The following FREM3 variants were observed in gnomAD, a reference collection of about 807,000 sequenced individuals.
The protein encoded by FREM3 is FRAS1-related extracellular matrix protein 3.
FREM3 carries 105 observed loss-of-function variants against 129.1 expected under a neutral mutation model. The ratio of observed to expected loss-of-function variants is 0.81; its 90% CI spans 0.69 to 0.96. The LOEUF (loss-of-function observed/expected upper bound fraction) is 0.96. Among genes scored for constraint, FREM3 ranks in the 40% least tolerant of loss-of-function variants. The pLI, the probability that FREM3 is intolerant of heterozygous loss-of-function variation, is 0.00. For missense variants in FREM3, 2,593 were observed against 2,666.3 expected (o/e 0.97, Z 0.61); for synonymous variants, 1,014 against 1,044.9 (o/e 0.97, Z 0.57).
chr4:143,643,267 T>C (rs1386051997), intron 2 of FREM3, among the ~76,000 whole-genome samples: 1 of 152,128 alleles, frequency 6.6e-6, no homozygotes, highest in Non-Finnish European at 1.5e-5. Context: ...CACTGCTGGG[T>C]ATATATCAAA....
At chr4:143,668,220 C>T (rs1418839285) in intron 2 of FREM3, among the ~76,000 whole-genome samples, 2 of 152,106 alleles carry the variant, frequency 1.3e-5, no homozygotes, top group Non-Finnish European at 2.9e-5. Context: ...GTATCCAGAG[C>T]TTATTCTACA....
In FREM3 at chr4:143,697,742, A is replaced by C. The variant is rs1401710610; in HGVS notation, c.2934T>G (p.Asp978Glu). The C allele has an allele frequency of 6.5e-7, 1 of 1,537,614 alleles. No homozygotes were observed. Among genetic ancestry groups the C allele is most frequent in the East Asian group, 2.4e-5 (1 of 40,926 alleles). The change falls in exon 1 of 8, where the codon GAT becomes GAG. Residue 978 changes from aspartate to glutamate, a missense_variant. This residue lies in a region of FREM3 where 2,276 missense variants were observed against 2,267.2 expected (regional missense o/e 1.00). Coordinates refer to ENST00000329798, the MANE Select transcript of FREM3 (RefSeq NM_001168235.2). ...TMGVIHGKRK[D>E]VGDLMLSFIV... Reference sequence around the variant, plus strand: ...TGAAAGACAGCATCAAGTCACCTACATCCTTCCTTTTGCCATGGATGACAC... The same window carrying C: ...TGAAAGACAGCATCAAGTCACCTACCTCCTTCCTTTTGCCATGGATGACAC...
At chr4:143,640,140 A>G (rs1020342440) in intron 2 of FREM3, among the ~76,000 whole-genome samples, 1 of 152,114 alleles carries the variant, frequency 6.6e-6, no homozygotes, top group African/African-American at 2.4e-5. Flanking sequence ...ACCCTTGCAC[A>G]TACTTCCTTT....
At chr4:143,583,219 A>T (rs1165278734) in intron 7 of FREM3, among the ~76,000 whole-genome samples, 1 of 152,190 alleles carries the variant, frequency 6.6e-6, no homozygotes, top group Non-Finnish European at 1.5e-5. Flanking sequence ...AGAATCTCAT[A>T]GCAAAAAGGT....
chr4:143,601,691 A>G (rs1186728958), intron 6 of FREM3: 2 of 152,190 alleles, frequency 1.3e-5, no homozygotes, highest in Non-Finnish European at 2.9e-5. Context: ...TTAGGCAGAT[A>G]CTGTGGCCTC....
chr4:143,687,352 A>C (rs546044149), intron 2 of FREM3, among the ~76,000 whole-genome samples: 1 of 150,980 alleles, frequency 6.6e-6, no homozygotes, highest in Admixed American at 6.6e-5. Flanking sequence ...GAAATGGTTA[A>C]AAAATTACCA....
intron 2 of FREM3, among the ~76,000 whole-genome samples, chr4:143,678,150 A>T (rs889652325): frequency 6.6e-6 from 1 of 152,226 alleles, no homozygotes; most frequent in Admixed American, 6.5e-5. Context: ...CCAATGTCCA[A>T]CAATGATAGA....
chr4:143,644,717 A>C (rs1050433672), intron 2 of FREM3, among the ~76,000 whole-genome samples: 4 of 152,248 alleles, frequency 2.6e-5, no homozygotes, highest in Non-Finnish European at 4.4e-5. Flanking sequence ...CTTGGAGTTT[A>C]TAAGGAAAGT....
At chr4:143,647,709 G>C (rs1408921436) in intron 2 of FREM3, among the ~76,000 whole-genome samples, 1 of 152,186 alleles carries the variant, frequency 6.6e-6, no homozygotes, top group Non-Finnish European at 1.5e-5. Flanking sequence ...TGGTGTTTGG[G>C]AACCTCTGCC....
intron 2 of FREM3, among the ~76,000 whole-genome samples, chr4:143,639,863 A>G (rs911086307): frequency 3.9e-5 from 6 of 152,264 alleles, no homozygotes; most frequent in Non-Finnish European, 8.8e-5. Context: ...TGACAAATGG[A>G]GTACCTGCAG....
At chr4:143,619,867 G>A (rs1024214129) in intron 5 of FREM3, among the ~76,000 whole-genome samples, 1 of 151,790 alleles carries the variant, frequency 6.6e-6, no homozygotes, top group East Asian at 1.9e-4. Context: ...TGTTGTGGGG[G>A]TATTATTTAA....
chr4:143,632,173 T>C (rs562418670), intron 2 of FREM3, among the ~76,000 whole-genome samples: 2 of 151,644 alleles, frequency 1.3e-5, no homozygotes, highest in African/African-American at 2.4e-5. Flanking sequence ...TGCTATTGAC[T>C]CTTCTAAGTG....
rs532965442 is a variant in FREM3 at position 143,616,686 on chromosome 4, G to A, written c.5779+4351C>T. On this transcript the variant is annotated intron_variant, in intron 5 of 7. Transcript: ENST00000329798. The stretch of plus-strand genomic sequence containing the variant: ...TGGGCACCTGTAGTCCCAGCTACAC[G>A]GGAGGCTGAGGCCGGAGAATGGCGT... Among the ~76,000 whole-genome samples, 7 of 152,202 alleles carry A rather than the reference G, an allele frequency of 4.6e-5. No homozygotes were observed. In the South Asian group the frequency reaches 8.3e-4, roughly 18 times the overall value.
In FREM3 at chr4:143,697,685, A is replaced by T. The variant is rs1397844590; in HGVS notation, c.2991T>A (p.Ile997=). ...GTTCTGTGGGCAAACCATTTACCAG[A>T]ATAGTGCCCAGTTTGGGGCTGTCCT... is the stretch of plus-strand genomic sequence containing the variant. ...IVKDSPKLGT[I]LVNGLPTERF... is the part of the protein sequence containing the mutation. Residue 997 remains isoleucine (I), a synonymous_variant, in exon 1 of 8, where the codon ATT becomes ATA. Coordinates refer to ENST00000329798, the MANE Select transcript of FREM3 (RefSeq NM_001168235.2). 6 of 1,537,670 alleles carry T rather than the reference A, an allele frequency of 3.9e-6. No individual in the cohort carries two copies. The highest frequency in any genetic ancestry group is 5.2e-6 in the Non-Finnish European group (6 of 1,147,048).
rs1170419776 is a variant in FREM3 at position 143,697,280 on chromosome 4, AGACTGG to A, written c.3390_3395del (p.Gln1131_Ser1132del). 4 of 1,537,284 alleles carry A rather than the reference AGACTGG, an allele frequency of 2.6e-6. No homozygotes were observed. The African/African-American group carries it at 5.5e-5, about 21-fold the overall frequency. On this transcript the variant is annotated inframe_deletion, in exon 1 of 8. Transcript: ENST00000329798. ...GGGAGAAAGCACTGATAGGGCTACCAGACTGGGACATTTTTGAACCAGGAGCTGATG... is the reference window on the plus strand; with the variant it reads ...GGGAGAAAGCACTGATAGGGCTACCAGACATTTTTGAACCAGGAGCTGATG...
chr4:143,611,995 GA>G (rs1489780788), intron 5 of FREM3, among the ~76,000 whole-genome samples: 1 of 152,150 alleles, frequency 6.6e-6, no homozygotes, highest in Admixed American at 6.5e-5. Context: ...TTCTTTGTAT[GA>G]CACCATAATA....
chr4:143,678,936 A>C (rs1740198988), intron 2 of FREM3, among the ~76,000 whole-genome samples: 2 of 152,044 alleles, frequency 1.3e-5, no homozygotes, highest in South Asian at 4.1e-4. Context: ...GCATAAAAAA[A>C]CTCTTACATG....
chr4:143,598,885 A>C (rs1227410707), intron 6 of FREM3, among the ~76,000 whole-genome samples: 2 of 152,220 alleles, frequency 1.3e-5, no homozygotes, highest in African/African-American at 2.4e-5. Flanking sequence ...ATAGTAGGCT[A>C]TACCATCCAG....
intron 2 of FREM3, among the ~76,000 whole-genome samples, chr4:143,674,823 A>G (rs1288664610): frequency 6.6e-6 from 1 of 152,242 alleles, no homozygotes; most frequent in Non-Finnish European, 1.5e-5. Flanking sequence ...AAAGGGATCA[A>G]TTCAACAAGA....
Sources: gnomAD v4.1 joint callset for allele counts (sites outside exome capture counted in the v4.1 genomes callset) on GRCh38, gnomAD v4.1.1 for gene constraint, gnomAD v4.1.1 regional missense constraint, MANE v1.5 for transcripts, NCBI Gene and HGNC (gene_info 2026-07-23, HGNC 2026-07-21) for gene names.